The following AFF3 variants were observed in gnomAD, a reference collection of about 807,000 sequenced individuals.
AFF3 encodes the protein ALF transcription elongation factor 3.
Under a neutral mutation model 129.7 loss-of-function variants are expected in AFF3, and 32 were observed. The ratio of observed to expected loss-of-function variants is 0.25; its 90% CI spans 0.19 to 0.33. The LOEUF is 0.33. Ranked by LOEUF, AFF3 falls within the 10% of genes least tolerant of loss-of-function variation. The pLI is 1.00. For synonymous variants in AFF3, 644 were observed against 635.4 expected (o/e 1.01, Z -0.20); for missense variants, 1,373 against 1,592.0 (o/e 0.86, Z 2.34).
At chr2:100,083,670 G>C (rs993843381) in intron 4 of AFF3, among the ~76,000 whole-genome samples, 19 of 152,198 alleles carry the variant, frequency 1.2e-4, no homozygotes, top group South Asian at 2.1e-4. Context: ...CTGCCTTTGG[G>C]AGTCTGATGA....
intron 16 of AFF3, among the ~76,000 whole-genome samples, chr2:99,584,125 G>T (rs1332567487): frequency 6.6e-6 from 1 of 152,016 alleles, no homozygotes; most frequent in Non-Finnish European, 1.5e-5. Flanking sequence ...TAATATCTGA[G>T]TTTATGACTT....
At chr2:100,136,720 T>C (rs920865553) in intron 1 of AFF3, among the ~76,000 whole-genome samples, 2 of 152,220 alleles carry the variant, frequency 1.3e-5, no homozygotes, top group Non-Finnish European at 2.9e-5. Flanking sequence ...GTTATTCTTA[T>C]CTAAAATTAA....
intron 7 of AFF3, among the ~76,000 whole-genome samples, chr2:99,919,532 A>C (rs1210873565): frequency 6.6e-6 from 1 of 152,096 alleles, no homozygotes; most frequent in African/African-American, 2.4e-5. Flanking sequence ...ATTTTTAGAA[A>C]ACTGATATTA....
chr2:99,637,442 T>A (rs1683769768), intron 13 of AFF3, among the ~76,000 whole-genome samples: 1 of 152,178 alleles, frequency 6.6e-6, no homozygotes, highest in African/African-American at 2.4e-5. Context: ...TCTTTTTTTC[T>A]CCCTGTCACA....
At position 99,607,136 on chromosome 2, in the gene AFF3, G is replaced by C. The variant is rs541622333; in HGVS notation, c.1185-5515C>G. On this transcript the variant is annotated intron_variant, in intron 13 of 24. Transcript: ENST00000672756. ...CAAATACACCTTTGAGAGGGGTCCAGCTTTCTCTAAATGATCTGCTTGGTG... is the reference window on the plus strand; with the variant it reads ...CAAATACACCTTTGAGAGGGGTCCACCTTTCTCTAAATGATCTGCTTGGTG... Among the ~76,000 whole-genome samples, 14 of 152,278 alleles carry C rather than the reference G, an allele frequency of 9.2e-5. 1 individual carries two copies. In the South Asian group the frequency reaches 1.0e-3, roughly 11 times the overall value.
At chr2:99,720,483 C>G (rs1192464891) in intron 11 of AFF3, among the ~76,000 whole-genome samples, 1 of 152,156 alleles carries the variant, frequency 6.6e-6, no homozygotes, top group Non-Finnish European at 1.5e-5. Flanking sequence ...GAAGTCCTCA[C>G]CAGAAGCCAA....
chr2:99,603,518 T>C (rs1347255188), intron 13 of AFF3, among the ~76,000 whole-genome samples: 1 of 152,116 alleles, frequency 6.6e-6, no homozygotes, highest in African/African-American at 2.4e-5. Flanking sequence ...AAACTAAAAC[T>C]ATAAAACCCT....
chr2:99,587,397 AAGCACAGCCTGAGCAGCTGT>A, intron 15 of AFF3, 119 bp from the exon 16 acceptor site: 1 of 1,217,206 alleles, frequency 8.2e-7, no homozygotes, highest in Non-Finnish European at 1.2e-6. Flanking sequence ...GGCTTCCCCG[AAGCACAGCCTGAGCAGCTGT>A]GCCCCTGCCA....
chr2:99,997,850 T>C (rs1680998965), intron 7 of AFF3, among the ~76,000 whole-genome samples: 1 of 152,164 alleles, frequency 6.6e-6, no homozygotes, highest in African/African-American at 2.4e-5. Context: ...TGGCTAACTC[T>C]ACCACGTCCC....
chr2:99,914,024 C>G (rs1695283307), intron 7 of AFF3, among the ~76,000 whole-genome samples: 1 of 152,100 alleles, frequency 6.6e-6, no homozygotes, highest in African/African-American at 2.4e-5. Context: ...CTGGTAGGTA[C>G]CACCAACGAA....
chr2:99,898,619 C>T (rs1021573287), intron 7 of AFF3, among the ~76,000 whole-genome samples: 2 of 152,328 alleles, frequency 1.3e-5, no homozygotes, highest in East Asian at 1.9e-4. Flanking sequence ...CACAGTCCTG[C>T]ACTTGCTCAC....
chr2:99,662,044 G>A (rs1485756322), intron 12 of AFF3, among the ~76,000 whole-genome samples: 2 of 152,086 alleles, frequency 1.3e-5, no homozygotes, highest in African/African-American at 4.8e-5. Context: ...GGAGGCTGAG[G>A]CAGGAGAATC....
At chr2:99,812,558 T>C (rs187224143) in intron 8 of AFF3, among the ~76,000 whole-genome samples, 6 of 152,302 alleles carry the variant, frequency 3.9e-5, no homozygotes, top group Admixed American at 2.6e-4. Context: ...AACATGGTCG[T>C]TGGTATCATA....
chr2:99,909,254 G>A (rs1328583949), intron 7 of AFF3, among the ~76,000 whole-genome samples: 9 of 149,462 alleles, frequency 6.0e-5, no homozygotes, highest in East Asian at 4.0e-4. Flanking sequence ...ACCAAACACC[G>A]CATGTTCTCA....
chr2:99,955,239 AAAAAT>A (rs1676528549), intron 7 of AFF3, among the ~76,000 whole-genome samples: 1 of 152,228 alleles, frequency 6.6e-6, no homozygotes, highest in Admixed American at 6.5e-5. Context: ...AGAAACTATC[AAAAAT>A]AATTGACCTG....
chr2:99,962,581 T>A (rs1405992919), intron 7 of AFF3, among the ~76,000 whole-genome samples: 1 of 151,948 alleles, frequency 6.6e-6, no homozygotes, highest in Non-Finnish European at 1.5e-5. Context: ...ATGAACAATA[T>A]TGAAACTGTA....
chr2:100,071,239 T>C (rs991476237), intron 4 of AFF3, among the ~76,000 whole-genome samples: 2 of 152,206 alleles, frequency 1.3e-5, no homozygotes, highest in Non-Finnish European at 2.9e-5. Context: ...CAAAAGCTTT[T>C]AATTCTGGAA....
chr2:99,566,750 A>C (rs1022175043), intron 19 of AFF3, among the ~76,000 whole-genome samples: 1 of 152,292 alleles, frequency 6.6e-6, no homozygotes, highest in Admixed American at 6.5e-5. Context: ...TGGATTGCAG[A>C]ATCTCCCCAG....
At chr2:100,031,849 T>C (rs1430410778) in intron 4 of AFF3, among the ~76,000 whole-genome samples, 1 of 152,246 alleles carries the variant, frequency 6.6e-6, no homozygotes, top group South Asian at 2.1e-4. Flanking sequence ...GAATCACCCA[T>C]GTGGAAGAAT....
Sources: allele counts gnomAD v4.1 joint callset (sites outside exome capture counted in the v4.1 genomes callset), GRCh38; gene constraint gnomAD v4.1.1; transcripts MANE v1.5; gene names NCBI Gene and HGNC (gene_info 2026-07-23, HGNC 2026-07-21).